Variants in PRDM9 observed in about 807,000 individuals in gnomAD.
The protein encoded by PRDM9 is PR/SET domain 9, also known as histone-lysine N-methyltransferase PRDM9.
In PRDM9, 47 loss-of-function variants were observed where a neutral mutation model predicts 55.6. The observed-to-expected ratio is 0.85, with a 90% CI of 0.67 to 1.08. The LOEUF (loss-of-function observed/expected upper bound fraction) is 1.08. Among genes scored for constraint, PRDM9 ranks in the 50% least tolerant of loss-of-function variants. The pLI is 0.00. For synonymous variants in PRDM9, 312 were observed against 375.7 expected (o/e 0.83, Z 1.96); for missense variants, 867 against 1,040.3 (o/e 0.83, Z 2.29).
Position 23,526,255 on chromosome 5 carries a change from A to G in PRDM9, c.1167A>G (p.Pro389=), listed in dbSNP as rs761970635. ...CAGAACCAAAGCCAGAGATCCATCC[A>G]TGTCCCTCATGCTGTCTGGCCTTTT... ...AGREPKPEIH[P]CPSCCLAFSS... The change falls in exon 11 of 11, where the codon CCA becomes CCG. Residue 389 remains proline (P), a synonymous_variant. Coordinates refer to ENST00000296682, the MANE Select transcript of PRDM9 (RefSeq NM_020227.4). 9 of 1,614,232 alleles carry G rather than the reference A, an allele frequency of 5.6e-6. No individual in the cohort carries two copies. The highest frequency in any genetic ancestry group is 4.4e-5 in the South Asian group (4 of 91,084).
chr5:23,526,535 C>T lies in PRDM9; in HGVS notation c.1447C>T (p.Gln483Ter). The T allele has an allele frequency of 1.1e-5, 17 of 1,614,044 alleles. No individual in the cohort carries two copies. The highest frequency in any genetic ancestry group is 1.4e-5 in the Non-Finnish European group (17 of 1,179,992). ...SRAFSSPPKG[Q>*]MGSCRVGKRI... ...GGCCTTTTCTAGCCCACCCAAAGGACAAATGGGGAGCTGTAGAGTGGGAAA... is the reference window on the plus strand; with the variant it reads ...GGCCTTTTCTAGCCCACCCAAAGGATAAATGGGGAGCTGTAGAGTGGGAAA... The change falls in exon 11 of 11, where the codon CAA (glutamine) becomes TAA (stop). Residue 483 changes from glutamine (Q) to a stop codon, truncating the protein, a stop_gained. Transcript: ENST00000296682. LOFTEE classifies it low-confidence loss of function (END_TRUNC).
rs1402866708 is a variant in PRDM9 at position 23,526,919 on chromosome 5, A to G, written c.1831A>G (p.Arg611Gly). Residue 611 changes from arginine to glycine, a missense_variant, in exon 11 of 11, where the codon AGG becomes GGG. Physicochemically the swap from Arg to Gly is moderately radical, Grantham distance 125. Transcript: ENST00000296682. Reference protein sequence around the residue: ...THTGEKPYVCRECGRGFSRQS... With the variant: ...THTGEKPYVCGECGRGFSRQS... ...CACAGGGGAGAAGCCCTATGTCTGC[A>G]GGGAGTGTGGGCGGGGCTTTAGCCG... The G allele has an allele frequency of 2.5e-6, 4 of 1,598,454 alleles. No homozygotes were observed.
rs1238020382 is a variant in PRDM9, at chr5:23,521,164, T to C, written c.493T>C (p.Ser165Pro). The C allele has an allele frequency of 2.5e-6, 4 of 1,613,388 alleles. No homozygotes were observed. The highest frequency in any genetic ancestry group is 3.4e-6 in the Non-Finnish European group (4 of 1,180,020). The change falls in exon 6 of 11, where the codon TCA becomes CCA. Residue 165 changes from serine (S) to proline (P), a missense_variant. Physicochemically the swap from Ser to Pro is moderately conservative, Grantham distance 74 (BLOSUM62 -1). Around this residue, in one of 5 missense-constraint regions of PRDM9, gnomAD observed 662 missense variants for 711.9 expected, o/e 0.93. Coordinates refer to ENST00000296682, the MANE Select transcript of PRDM9 (RefSeq NM_020227.4). ...SGEASTSGQH[S>P]RLKLELRKKE... ...AGAAGCAAGTACCTCTGGACAGCAC[T>C]CAAGACTAAAACTGGGTAAGAAAAA...
At chr5:23,507,772 C>T (rs1316103621) in intron 1 of PRDM9, 60 bp downstream of exon 1, 1 of 152,232 alleles carries the variant, frequency 6.6e-6, no homozygotes, top group Non-Finnish European at 1.5e-5. Context: ...TCCCCTCACC[C>T]TGGGAAGCTC....
intron 5 of PRDM9, among the ~76,000 whole-genome samples, chr5:23,519,331 A>G (rs1288939989): frequency 6.6e-6 from 1 of 152,096 alleles, no homozygotes; most frequent in Non-Finnish European, 1.5e-5. Flanking sequence ...AAGTGCTGGG[A>G]TTACATATGT....
chr5:23,524,381 T>C lies in PRDM9; in HGVS notation c.998T>C (p.Phe333Ser). 2 of 1,613,984 alleles carry C rather than the reference T, an allele frequency of 1.2e-6. No individual in the cohort carries two copies. Among genetic ancestry groups the C allele is most frequent in the Non-Finnish European group, 1.7e-6 (2 of 1,179,904 alleles). Residue 333 changes from phenylalanine to serine, a missense_variant, in exon 10 of 11, where the codon TTC (phenylalanine) becomes TCC (serine). Physicochemically the swap from Phe to Ser is radical, Grantham distance 155 (BLOSUM62 -2). Transcript: ENST00000296682. ...GATGAAGAGCAGAACCTGGTGGCCTTCCAGTACCACAGGCAGATCTTCTAT... is the reference window on the plus strand; with the variant it reads ...GATGAAGAGCAGAACCTGGTGGCCTCCCAGTACCACAGGCAGATCTTCTAT... ...RDDEEQNLVA[F>S]QYHRQIFYRT...
chr5:23,514,068 T>A (rs1264643643), intron 4 of PRDM9, among the ~76,000 whole-genome samples: 1 of 152,242 alleles, frequency 6.6e-6, no homozygotes, highest in Non-Finnish European at 1.5e-5. Context: ...ACAGGATAAG[T>A]GACATCTCGC....
At chr5:23,522,475 C>G (rs1198359546) in intron 7 of PRDM9, 70 bp downstream of exon 7, 6 of 1,584,940 alleles carry the variant, frequency 3.8e-6, no homozygotes, top group Non-Finnish European at 4.3e-6. Flanking sequence ...ATCATTTGGC[C>G]CACAAATCAT....
At chr5:23,515,187 ACTC>A (rs1739183560) in intron 4 of PRDM9, among the ~76,000 whole-genome samples, 2 of 150,814 alleles carry the variant, frequency 1.3e-5, no homozygotes, top group South Asian at 4.2e-4. Flanking sequence ...CTGGTCATGA[ACTC>A]CTGACCTCAA....
At position 23,520,539 on chromosome 5, in the gene PRDM9, C is replaced by T. The variant is rs570271096; in HGVS notation, c.352-484C>T. The stretch of plus-strand genomic sequence containing the variant: ...AGGATATGGCAACATGCAACTTTGA[C>T]ATCATTTTCTTGGTTGTCTAGATAT... On this transcript the variant is annotated intron_variant, in intron 5 of 10. Coordinates refer to ENST00000296682, the MANE Select transcript of PRDM9 (RefSeq NM_020227.4). Among the ~76,000 whole-genome samples, 3 of 152,060 alleles carry T rather than the reference C, an allele frequency of 2.0e-5. No homozygotes were observed. In the South Asian group the frequency reaches 6.2e-4, roughly 31 times the overall value.
intron 4 of PRDM9, among the ~76,000 whole-genome samples, chr5:23,514,701 C>A (rs1400225653): frequency 6.6e-5 from 10 of 152,036 alleles, no homozygotes; most frequent in Non-Finnish European, 1.5e-4. Flanking sequence ...CCTCGGCCTC[C>A]CAAAGTGCTG....
intron 6 of PRDM9, 114 bp from the exon 7 acceptor site, chr5:23,522,190 T>C (rs1739339177): frequency 1.1e-6 from 1 of 910,598 alleles, no homozygotes; most frequent in Admixed American, 1.7e-5. Flanking sequence ...AGGGGGACAC[T>C]AGAGTATGTA....
intron 4 of PRDM9, 131 bp downstream of exon 4, chr5:23,510,158 G>A (rs561496513): frequency 4.5e-4 from 406 of 893,924 alleles, no homozygotes; most frequent in Admixed American, 1.0e-3. Context: ...AGGTTCAAGC[G>A]ATTCTCCTGC....
chr5:23,509,916 T>G lies in PRDM9; in HGVS notation c.194-4T>G. 1 of 1,614,138 alleles carries G rather than the reference T, an allele frequency of 6.2e-7. No homozygotes were observed. Among genetic ancestry groups the G allele is most frequent in the Non-Finnish European group, 8.5e-7 (1 of 1,180,032 alleles). On this transcript the variant is annotated splice_region_variant and splice_polypyrimidine_tract_variant and intron_variant, in intron 3 of 10. Coordinates refer to ENST00000296682, the MANE Select transcript of PRDM9 (RefSeq NM_020227.4). Reference sequence around the variant, plus strand: ...TTTAGAACAAAATTTTTGCTTCTTTTCAGGTCTCAGAGCCACTCGACCAGC... The same window carrying G: ...TTTAGAACAAAATTTTTGCTTCTTTGCAGGTCTCAGAGCCACTCGACCAGC...
intron 9 of PRDM9, 67 bp from the exon 10 acceptor site, chr5:23,524,267 C>G (rs752577479): frequency 1.2e-5 from 19 of 1,568,008 alleles, no homozygotes; most frequent in Non-Finnish European, 1.6e-5. Context: ...AGGTGATGGG[C>G]CATACCTGGA....
chr5:23,519,040 T>G (rs1359711615), intron 5 of PRDM9, among the ~76,000 whole-genome samples: 1 of 152,176 alleles, frequency 6.6e-6, no homozygotes, highest in Non-Finnish European at 1.5e-5. Flanking sequence ...ATAATTTTCA[T>G]TTGTTTGTTA....
rs746973453 is a variant in PRDM9, at chr5:23,526,763, C to T, written c.1675C>T (p.Arg559Trp). The stretch of plus-strand genomic sequence containing the variant: ...GCTCTACGTCTGCAGGGAGTGTGGG[C>T]GGGGCTTTAGCTGGAAGTCACACCT... Reference protein sequence around the residue: ...EKLYVCRECGRGFSWKSHLLI... With the variant: ...EKLYVCRECGWGFSWKSHLLI... The change falls in exon 11 of 11, where the codon CGG becomes TGG. Residue 559 changes from arginine (R) to tryptophan (W), a missense_variant. Coordinates refer to ENST00000296682, the MANE Select transcript of PRDM9 (RefSeq NM_020227.4). 46 of 1,589,942 alleles carry T rather than the reference C, an allele frequency of 2.9e-5. No homozygotes were observed. The highest frequency in any genetic ancestry group is 3.6e-5 in the Non-Finnish European group (42 of 1,169,310).
intron 5 of PRDM9, among the ~76,000 whole-genome samples, chr5:23,518,135 T>C (rs1739253201): frequency 6.6e-6 from 1 of 152,234 alleles, no homozygotes; most frequent in Non-Finnish European, 1.5e-5. Flanking sequence ...TCTCAGTATT[T>C]TCAGACTCTA....
At chr5:23,524,609 C>T in intron 10 of PRDM9, 82 bp downstream of exon 10, 1 of 1,582,048 alleles carries the variant, frequency 6.3e-7, no homozygotes, top group Middle Eastern at 1.7e-4. Flanking sequence ...CTCTTAAGTA[C>T]AGTAAAATGC....
Sources: allele counts gnomAD v4.1 joint callset (sites outside exome capture counted in the v4.1 genomes callset), GRCh38; gene constraint gnomAD v4.1.1; regional missense constraint gnomAD v4.1.1; transcripts MANE v1.5; gene names NCBI Gene and HGNC (gene_info 2026-07-23, HGNC 2026-07-21).